Variants in COL8A1 observed in about 807,000 individuals in gnomAD.
COL8A1 encodes collagen alpha-1(VIII) chain.
Under a neutral mutation model 42.7 loss-of-function variants are expected in COL8A1, and 21 were observed. The ratio of observed to expected loss-of-function variants is 0.49; its 90% CI spans 0.35 to 0.71. The LOEUF (loss-of-function observed/expected upper bound fraction) is 0.71. Among genes scored for constraint, COL8A1 ranks in the 30% least tolerant of loss-of-function variants. COL8A1 has a pLI of 0.01. For synonymous variants in COL8A1, 367 were observed against 369.1 expected (o/e 0.99, Z 0.06); for missense variants, 788 against 962.4 (o/e 0.82, Z 2.40).
At chr3:99,690,799 G>C (rs986371335) in intron 1 of COL8A1, among the ~76,000 whole-genome samples, 7 of 152,184 alleles carry the variant, frequency 4.6e-5, no homozygotes, top group Admixed American at 2.0e-4. Flanking sequence ...AAAATTCACG[G>C]AATTAGCAAA....
At position 99,794,210 on chromosome 3, in the gene COL8A1, C is replaced by T. The variant is rs1372428453; in HGVS notation, c.329-20C>T. 7 of 1,498,936 alleles carry T rather than the reference C, an allele frequency of 4.7e-6. No homozygotes were observed. Among genetic ancestry groups the T allele is most frequent in the Non-Finnish European group, 6.3e-6 (7 of 1,112,110 alleles). 92.9% of individuals were successfully genotyped at this position (1,498,936 alleles called of 1,614,324 possible). A position where few individuals can be genotyped will look rare whatever the true frequency, so the allele number is the denominator to read the frequency against. ...CTCTCTCTCCCCCCATACCCCTTCT[C>T]TCTCTTCTCTTCCCAGTAGAAATAC... is the stretch of plus-strand genomic sequence containing the variant. On this transcript the variant is annotated intron_variant, in intron 3 of 3. Transcript: ENST00000652472. The surrounding 1 kb of genome is among the most constrained non-coding windows in gnomAD (Gnocchi z 4.3).
rs140899076 is a variant in COL8A1 at position 99,693,058 on chromosome 3, C to T, written c.-128-51839C>T. Among the ~76,000 whole-genome samples, 168 of 152,122 alleles carry T rather than the reference C, an allele frequency of 1.1e-3. 1 individual carries two copies. The highest frequency in any genetic ancestry group is 3.7e-3 in the African/African-American group (153 of 41,508). Reference sequence around the variant, plus strand: ...TTTGTAATCCCAGCTACTTGAGAGGCGCGTGTTTGTAATCCCAGCTACTGG... The same window carrying T: ...TTTGTAATCCCAGCTACTTGAGAGGTGCGTGTTTGTAATCCCAGCTACTGG... On this transcript the variant is annotated intron_variant, in intron 1 of 3. Coordinates refer to ENST00000652472, the MANE Select transcript of COL8A1 (RefSeq NM_020351.4).
rs1941885892 is a variant in COL8A1 at position 99,785,920 on chromosome 3, G to A, written c.-3-4760G>A. ...CCAGAGAAAACTATATGGTAGGACT[G>A]AAATCTACAGAGAAATAAAAGGAAA... On this transcript the variant is annotated intron_variant, in intron 2 of 3. Coordinates refer to ENST00000652472, the MANE Select transcript of COL8A1 (RefSeq NM_020351.4). 1.3e-5 allele frequency among the ~76,000 whole-genome samples: 2 copies of A among 152,114 alleles called. 1 individual carries two copies. Among genetic ancestry groups the A allele is most frequent in the South Asian group, 4.1e-4 (2 of 4,820 alleles).
intron 1 of COL8A1, chr3:99,678,422 A>C: frequency 6.6e-6 from 1 of 152,158 alleles, no homozygotes; most frequent in Admixed American, 6.6e-5. Flanking sequence ...TTAGAAGGAA[A>C]GACAATGGTG....
At chr3:99,665,172 G>A (rs1322126333) in intron 1 of COL8A1, among the ~76,000 whole-genome samples, 1 of 152,126 alleles carries the variant, frequency 6.6e-6, no homozygotes, top group Non-Finnish European at 1.5e-5. Flanking sequence ...CTTCTTGCAT[G>A]TATTCTCAAC....
intron 1 of COL8A1, among the ~76,000 whole-genome samples, chr3:99,733,969 G>A (rs1299386929): frequency 2.0e-5 from 3 of 151,954 alleles, no homozygotes; most frequent in African/African-American, 4.8e-5. Context: ...GTCTGTTCAT[G>A]TCCTTCGCCC....
At chr3:99,732,693 A>G (rs1038901104) in intron 1 of COL8A1, among the ~76,000 whole-genome samples, 6 of 152,012 alleles carry the variant, frequency 3.9e-5, no homozygotes, top group African/African-American at 7.2e-5. Flanking sequence ...GCCCCTCCCA[A>G]ATCTCATGTC....
intron 1 of COL8A1, among the ~76,000 whole-genome samples, chr3:99,724,052 G>C (rs1007040889): frequency 3.9e-5 from 6 of 152,144 alleles, no homozygotes; most frequent in Admixed American, 3.9e-4. Flanking sequence ...GATGGAGTCT[G>C]TTTGACTTGC....
intron 3 of COL8A1, among the ~76,000 whole-genome samples, chr3:99,792,659 C>T (rs1232855211): frequency 3.3e-5 from 5 of 152,190 alleles, no homozygotes; most frequent in Non-Finnish European, 1.5e-5. Flanking sequence ...GACCCAGTCA[C>T]AATCTCACGC....
chr3:99,715,657 A>G (rs1939974660), intron 1 of COL8A1, among the ~76,000 whole-genome samples: 1 of 152,008 alleles, frequency 6.6e-6, no homozygotes, highest in Non-Finnish European at 1.5e-5. Flanking sequence ...AACAAGCAAA[A>G]ATTTGTTGGA....
At chr3:99,776,771 A>G (rs1941700813) in intron 2 of COL8A1, among the ~76,000 whole-genome samples, 1 of 152,218 alleles carries the variant, frequency 6.6e-6, no homozygotes, top group South Asian at 2.1e-4. Flanking sequence ...TTGTTTCTTG[A>G]TTATATGCTA....
intron 1 of COL8A1, among the ~76,000 whole-genome samples, chr3:99,736,459 G>A (rs568894667): frequency 1.4e-4 from 21 of 151,954 alleles, no homozygotes; most frequent in South Asian, 6.3e-4. Flanking sequence ...GTATACATGC[G>A]CCATATTTCT....
At chr3:99,655,827 G>C (rs2107295098) in intron 1 of COL8A1, among the ~76,000 whole-genome samples, 1 of 152,272 alleles carries the variant, frequency 6.6e-6, no homozygotes, top group South Asian at 2.1e-4. Flanking sequence ...TGAGTTCTCA[G>C]AACATAGCCA....
At chr3:99,696,318 A>G (rs1269496979) in intron 1 of COL8A1, among the ~76,000 whole-genome samples, 4 of 152,212 alleles carry the variant, frequency 2.6e-5, no homozygotes, top group Non-Finnish European at 2.9e-5. Context: ...GATATTTAAG[A>G]ACAACTTATT....
At chr3:99,726,233 G>C (rs28819723) in intron 1 of COL8A1, among the ~76,000 whole-genome samples, 1 of 152,056 alleles carries the variant, frequency 6.6e-6, no homozygotes, top group Non-Finnish European at 1.5e-5. Context: ...GTATCTGTTC[G>C]TATCCTGCAC....
chr3:99,721,271 A>T (rs1940143007), intron 1 of COL8A1, among the ~76,000 whole-genome samples: 1 of 151,654 alleles, frequency 6.6e-6, no homozygotes, highest in South Asian at 2.1e-4. Context: ...ACATGAAAAG[A>T]CGTTTAAAAT....
chr3:99,746,372 G>A (rs1461865768), intron 2 of COL8A1, among the ~76,000 whole-genome samples: 1 of 152,180 alleles, frequency 6.6e-6, no homozygotes, highest in Non-Finnish European at 1.5e-5. Flanking sequence ...ACTGAGGAAA[G>A]AGGCATGATG....
intron 2 of COL8A1, among the ~76,000 whole-genome samples, chr3:99,761,447 G>A (rs934456682): frequency 3.3e-5 from 5 of 152,080 alleles, no homozygotes; most frequent in African/African-American, 4.8e-5. Context: ...GCTGATTCTC[G>A]GAGTTGAAAT....
At chr3:99,656,784 T>C (rs1938035472) in intron 1 of COL8A1, among the ~76,000 whole-genome samples, 1 of 152,222 alleles carries the variant, frequency 6.6e-6, no homozygotes, top group African/African-American at 2.4e-5. Context: ...AAAAAACTAG[T>C]AGTTAAGCTT....
Sources: allele counts gnomAD v4.1 joint callset (sites outside exome capture counted in the v4.1 genomes callset), GRCh38; gene constraint gnomAD v4.1.1; non-coding constraint Gnocchi (gnomAD v3.1); transcripts MANE v1.5; gene names NCBI Gene and HGNC (gene_info 2026-07-23, HGNC 2026-07-21).